The following CELF6 variants were observed in gnomAD, a reference collection of about 807,000 sequenced individuals.
The protein encoded by CELF6 is CUGBP Elav-like family member 6.
In CELF6, 32 loss-of-function variants were observed where a neutral mutation model predicts 53.1. The ratio of observed to expected loss-of-function variants is 0.60; its 90% CI spans 0.46 to 0.81. The LOEUF is 0.81. Ranked by LOEUF, CELF6 falls within the 30% of genes least tolerant of loss-of-function variation. CELF6 has a pLI of 0.00. For synonymous variants in CELF6, 291 were observed against 288.8 expected (o/e 1.01, Z -0.08); for missense variants, 539 against 669.5 (o/e 0.81, Z 2.15).
At chr15:72,316,501 C>T (rs1057456894) in intron 1 of CELF6, among the ~76,000 whole-genome samples, 1 of 152,148 alleles carries the variant, frequency 6.6e-6, no homozygotes, top group African/African-American at 2.4e-5. Flanking sequence ...AAGGGCTTCC[C>T]ATAGGTGGGA....
chr15:72,292,445 T>C (rs891401501), intron 3 of CELF6, among the ~76,000 whole-genome samples: 12 of 152,202 alleles, frequency 7.9e-5, no homozygotes. Context: ...AGGGCCTCCA[T>C]AGTCCCAAGG....
chr15:72,309,347 T>A (rs911819040), intron 2 of CELF6, among the ~76,000 whole-genome samples: 2 of 151,988 alleles, frequency 1.3e-5, no homozygotes, highest in Non-Finnish European at 2.9e-5. Context: ...AGGTGAGAGG[T>A]GAATGTGACC....
intron 2 of CELF6, chr15:72,313,648 C>G (rs542852295): frequency 4.2e-6 from 2 of 472,004 alleles, no homozygotes; most frequent in East Asian, 3.1e-4. Context: ...CAGTGCCAGC[C>G]GCATTTCACA....
At chr15:72,305,143 G>A (rs1352900697) in intron 2 of CELF6, among the ~76,000 whole-genome samples, 2 of 152,174 alleles carry the variant, frequency 1.3e-5, no homozygotes, top group African/African-American at 4.8e-5. Context: ...AGAGGATTGG[G>A]AAGGAGGGTA....
intron 3 of CELF6, among the ~76,000 whole-genome samples, chr15:72,298,811 T>C (rs998891332): frequency 6.6e-6 from 1 of 152,250 alleles, no homozygotes; most frequent in East Asian, 1.9e-4. Flanking sequence ...ACAGTCCCTA[T>C]GCCGAACAGC....
At position 72,289,817 on chromosome 15, in the gene CELF6, C is replaced by G; in HGVS notation, c.604-47G>C. On this transcript the variant is annotated intron_variant, in intron 5 of 12. Coordinates refer to ENST00000287202, the MANE Select transcript of CELF6 (RefSeq NM_052840.5). The surrounding 1 kb of genome is among the most constrained non-coding windows in gnomAD (Gnocchi z 7.6). ...GTGGTGACCGGTCCTGACCCTGGCC[C>G]CGGCCCGGGGCCGAGCGCCTTTCCC... 6.8e-7 allele frequency: 1 copy of G among 1,463,852 alleles called. No homozygotes were observed. Among genetic ancestry groups the G allele is most frequent in the Non-Finnish European group, 9.0e-7 (1 of 1,111,696 alleles). The allele number at this position is 1,463,852 out of a possible 1,614,324, so 90.7% of individuals were successfully genotyped here.
At chr15:72,296,717 A>T (rs1187693320) in intron 3 of CELF6, among the ~76,000 whole-genome samples, 1 of 152,226 alleles carries the variant, frequency 6.6e-6, no homozygotes, top group Non-Finnish European at 1.5e-5. Flanking sequence ...CTAATTGTTA[A>T]GGAAATGCAA....
At chr15:72,305,854 G>GA (rs1555469789) in intron 2 of CELF6, among the ~76,000 whole-genome samples, 1 of 128,656 alleles carries the variant, frequency 7.8e-6, no homozygotes, top group African/African-American at 2.8e-5. Flanking sequence ...GAGCTCATTT[G>GA]TTTTTTTTTT....
chr15:72,301,734 ATT>A (rs34705032), intron 3 of CELF6, among the ~76,000 whole-genome samples: 27 of 125,858 alleles, frequency 2.1e-4, no homozygotes, highest in Middle Eastern at 4.3e-3. Context: ...TAAAAAGTTG[ATT>A]TTTTTTTTTT....
chr15:72,287,488 C>T (rs1217085498), intron 11 of CELF6, 96 bp from the exon 12 acceptor site: 2 of 1,428,536 alleles, frequency 1.4e-6, no homozygotes, highest in Admixed American at 1.8e-5. Flanking sequence ...CCCGTCAGGC[C>T]AGTTCCATCA....
In CELF6 at chr15:72,289,867, A is replaced by T; in HGVS notation, c.603+72T>A. On this transcript the variant is annotated intron_variant, in intron 5 of 12. Coordinates refer to ENST00000287202, the MANE Select transcript of CELF6 (RefSeq NM_052840.5). This position sits in a 1 kb window ranked among gnomAD's most constrained non-coding sequence, Gnocchi z 7.6. Reference sequence around the variant, plus strand: ...CATCAGGTCCTTTCGCGGGGCACCGAGCACACTCGGGGAGGAGAAGCCCGT... The same window carrying T: ...CATCAGGTCCTTTCGCGGGGCACCGTGCACACTCGGGGAGGAGAAGCCCGT... The T allele has an allele frequency of 6.6e-7, 1 of 1,516,006 alleles. No individual in the cohort carries two copies. The highest frequency in any genetic ancestry group is 8.8e-7 in the Non-Finnish European group (1 of 1,134,728). 93.9% of individuals were successfully genotyped at this position (1,516,006 alleles called of 1,614,324 possible).
intron 1 of CELF6, among the ~76,000 whole-genome samples, chr15:72,318,244 T>C (rs1236862612): frequency 6.6e-6 from 1 of 152,202 alleles, no homozygotes; most frequent in Non-Finnish European, 1.5e-5. Context: ...GAAGCTGTAC[T>C]CCTAGCCAGA....
intron 3 of CELF6, among the ~76,000 whole-genome samples, chr15:72,297,998 T>G (rs16956667): frequency 0.057 from 8,605 of 152,284 alleles, 575 homozygotes; most frequent in African/African-American, 0.15. Context: ...AGGTGAAATC[T>G]ATCCAATCTT....
At position 72,290,245 on chromosome 15, in the gene CELF6, C is replaced by T; in HGVS notation, c.405G>A (p.Lys135=). The T allele has an allele frequency of 6.2e-7, 1 of 1,613,314 alleles. No homozygotes were observed. Among genetic ancestry groups the T allele is most frequent in the Non-Finnish European group, 8.5e-7 (1 of 1,179,748 alleles). Residue 135 remains lysine, a synonymous_variant, in exon 4 of 13, where the codon AAG becomes AAA. Transcript: ENST00000287202. ...AASEGRGEDR[K]LFVGMLGKQQ... ...GCTTGCCCAGCATCCCCACAAACAG[C>T]TTTCGGTCCTCTGGGGACAAAGCCA...
At chr15:72,316,640 G>T (rs1177592176) in intron 1 of CELF6, among the ~76,000 whole-genome samples, 5 of 152,132 alleles carry the variant, frequency 3.3e-5, no homozygotes, top group Non-Finnish European at 7.3e-5. Context: ...AGCATATATG[G>T]GTCAGCGAAG....
chr15:72,296,520 T>C (rs890844660), intron 3 of CELF6, among the ~76,000 whole-genome samples: 4 of 152,266 alleles, frequency 2.6e-5, no homozygotes, highest in African/African-American at 7.2e-5. Flanking sequence ...GCAAACAATA[T>C]ATCAAGATAA....
chr15:72,287,456 A>ACCAG (rs2087937050), intron 11 of CELF6, 64 bp from the exon 12 acceptor site: 1 of 1,592,196 alleles, frequency 6.3e-7, no homozygotes, highest in Non-Finnish European at 8.6e-7. Flanking sequence ...TTTCTCTCTG[A>ACCAG]CCAGCCCCCT....
chr15:72,292,335 A>G lies in CELF6; in HGVS notation c.395-2080T>C, dbSNP rs887734563. 3 of 1,103,750 alleles carry G rather than the reference A, an allele frequency of 2.7e-6. No individual in the cohort carries two copies. The African/African-American group carries it at 4.7e-5, about 17-fold the overall frequency. The allele number at this position is 1,103,750 out of a possible 1,614,324, so 68.4% of individuals were successfully genotyped here. A position where few individuals can be genotyped will look rare whatever the true frequency, so the allele number is the denominator to read the frequency against. On this transcript the variant is annotated intron_variant, in intron 3 of 12. Transcript: ENST00000287202. ...GATGGCTTTGCCTTGACATTGGAGA[A>G]TGGGCTCATTTGGCCAGAGAATCAA...
intron 3 of CELF6, among the ~76,000 whole-genome samples, chr15:72,304,414 A>AAAC (rs772391365): frequency 6.6e-6 from 1 of 152,202 alleles, no homozygotes; most frequent in African/African-American, 2.4e-5. Context: ...TGATTCTTAA[A>AAAC]AACAACAACA....
Sources: allele counts gnomAD v4.1 joint callset (sites outside exome capture counted in the v4.1 genomes callset), GRCh38; gene constraint gnomAD v4.1.1; non-coding constraint Gnocchi (gnomAD v3.1); transcripts MANE v1.5; gene names NCBI Gene and HGNC (gene_info 2026-07-23, HGNC 2026-07-21).